Variants in PHACTR3 observed in about 807,000 individuals in gnomAD.
The protein encoded by PHACTR3 is phosphatase and actin regulator 3, also known as protein phosphatase 1, regulatory subunit 123.
A neutral mutation model predicts 66.8 loss-of-function variants in PHACTR3; 16 were observed. The observed-to-expected ratio is 0.24, with a 90% confidence interval of 0.16 to 0.36. The LOEUF (loss-of-function observed/expected upper bound fraction) is 0.36. PHACTR3 is among the 10% of genes least tolerant of loss of function. The probability of loss-of-function intolerance (pLI) is 1.00; values close to 1 mark genes in which losing one functional copy is unlikely to be tolerated. For missense variants in PHACTR3, 647 were observed against 719.9 expected (o/e 0.90, Z 1.16); for synonymous variants, 323 against 292.1 (o/e 1.11, Z -1.08).
intron 1 of PHACTR3, among the ~76,000 whole-genome samples, chr20:59,631,378 C>T (rs1209010068): frequency 6.6e-6 from 1 of 152,144 alleles, no homozygotes; most frequent in Non-Finnish European, 1.5e-5. Flanking sequence ...CTCTTCTGTC[C>T]CCTAGCCCCC....
intron 1 of PHACTR3, among the ~76,000 whole-genome samples, chr20:59,732,681 C>T (rs2038809684): frequency 6.6e-6 from 1 of 152,148 alleles, no homozygotes. Flanking sequence ...TTACCTTCCA[C>T]TGTCGGGAGT....
At chr20:59,788,364 C>G (rs1476509019) in intron 7 of PHACTR3, among the ~76,000 whole-genome samples, 1 of 152,144 alleles carries the variant, frequency 6.6e-6, no homozygotes, top group Non-Finnish European at 1.5e-5. Context: ...CTTCCCTTAC[C>G]CTCAGGCACC....
At chr20:59,631,868 A>G (rs1412504010) in intron 1 of PHACTR3, among the ~76,000 whole-genome samples, 2 of 152,140 alleles carry the variant, frequency 1.3e-5, no homozygotes, top group African/African-American at 4.8e-5. Context: ...ATGAACGGGA[A>G]TGCCTGTGGT....
At chr20:59,703,681 T>A (rs1439978382) in intron 1 of PHACTR3, among the ~76,000 whole-genome samples, 5 of 150,580 alleles carry the variant, frequency 3.3e-5, no homozygotes, top group Admixed American at 3.3e-4. Context: ...TTTTGGTGTA[T>A]TTCCTTGGGG....
At chr20:59,845,389 T>C in intron 12 of PHACTR3, 124 bp downstream of exon 12, 2 of 629,966 alleles carry the variant, frequency 3.2e-6, no homozygotes, top group South Asian at 2.1e-5. Context: ...AGAACTCTAT[T>C]GAACAAATAG....
Position 59,767,145 on chromosome 20 carries a change from A to G in PHACTR3, c.542-41A>G, listed in dbSNP as rs201861986. 63 of 1,599,568 alleles carry G rather than the reference A, an allele frequency of 3.9e-5. No individual in the cohort carries two copies. The African/African-American group carries it at 6.6e-4, about 17-fold the overall frequency. The stretch of plus-strand genomic sequence containing the variant: ...GCTCTCTTACTTCCACTGCTGTCAG[A>G]GGAAACATGTTTTTAACTCTCTGCT... On this transcript the variant is annotated intron_variant, in intron 4 of 12. Transcript: ENST00000371015.
upstream of PHACTR3, among the ~76,000 whole-genome samples, chr20:59,601,172 C>T (rs2033469220): frequency 6.6e-6 from 1 of 152,216 alleles, no homozygotes; most frequent in African/African-American, 2.4e-5. Flanking sequence ...GTCCACAGAT[C>T]TGCTTTCTGA....
intron 8 of PHACTR3, among the ~76,000 whole-genome samples, chr20:59,810,782 A>G (rs758271691): frequency 9.9e-5 from 15 of 152,154 alleles, no homozygotes; most frequent in Non-Finnish European, 1.8e-4. Context: ...GTGAAGCTCT[A>G]TGCTGATTTT....
chr20:59,765,715 A>G (rs572333921), intron 4 of PHACTR3, among the ~76,000 whole-genome samples: 9 of 152,250 alleles, frequency 5.9e-5, no homozygotes, highest in African/African-American at 2.2e-4. Context: ...GGCCTGTTGT[A>G]ACACCCCCTC....
At chr20:59,677,452 T>C (rs996669181) in intron 1 of PHACTR3, among the ~76,000 whole-genome samples, 2 of 152,156 alleles carry the variant, frequency 1.3e-5, no homozygotes, top group African/African-American at 4.8e-5. Context: ...GCAAGTGAAG[T>C]TGGATGTCTG....
intron 1 of PHACTR3, among the ~76,000 whole-genome samples, chr20:59,581,639 T>C (rs565952095): frequency 2.6e-5 from 4 of 152,260 alleles, no homozygotes; most frequent in African/African-American, 9.6e-5. Flanking sequence ...CCAAACACTA[T>C]GGGAGGCTGA....
chr20:59,697,216 C>A (rs905048214), intron 1 of PHACTR3, among the ~76,000 whole-genome samples: 1 of 152,164 alleles, frequency 6.6e-6, no homozygotes, highest in Non-Finnish European at 1.5e-5. Flanking sequence ...CAGCCCTTCC[C>A]CAGAGCCTGT....
intron 7 of PHACTR3, 84 bp from the exon 8 acceptor site, chr20:59,805,957 G>T: frequency 1.4e-6 from 2 of 1,448,000 alleles, no homozygotes; most frequent in Non-Finnish European, 1.9e-6. Flanking sequence ...TGGCAGGTGG[G>T]CGGCTCCATT....
rs142781889 is a variant in PHACTR3 at position 59,593,092 on chromosome 20, T to C, written c.109+15475T>C. ...CCACAAAGCTGTCTTCCAAAGTAGC[T>C]GCACCATTTTGCATTCTCAGCAGCA... On this transcript the variant is annotated intron_variant, in intron 1 of 12. Transcript: ENST00000359926. Among the ~76,000 whole-genome samples the C allele has an allele frequency of 2.7e-3, 408 of 152,324 alleles. 3 individuals carry two copies. Among genetic ancestry groups the C allele is most frequent in the African/African-American group, 9.3e-3 (388 of 41,570 alleles).
At chr20:59,790,629 C>T (rs1400450443) in intron 7 of PHACTR3, among the ~76,000 whole-genome samples, 1 of 152,216 alleles carries the variant, frequency 6.6e-6, no homozygotes, top group Non-Finnish European at 1.5e-5. Context: ...TGGATTAAAA[C>T]ACCCTGCTTT....
rs191255541 is a variant in PHACTR3 at position 59,773,163 on chromosome 20, G to T, written c.752-116G>T. On this transcript the variant is annotated intron_variant, in intron 5 of 12. Coordinates refer to ENST00000371015, the MANE Select transcript of PHACTR3 (RefSeq NM_080672.5). ...GTCCAGCATCTTGGCATTAGTTGGG[G>T]CCCCTCCTGGAGGTGCAGGGGAGCG... The T allele has an allele frequency of 1.0e-5, 12 of 1,204,362 alleles. No individual in the cohort carries two copies. In the Admixed American group the frequency reaches 1.6e-4, roughly 16 times the overall value. The allele number at this position is 1,204,362 out of a possible 1,614,324, so 74.6% of individuals were successfully genotyped here. A position where few individuals can be genotyped will look rare whatever the true frequency, so the allele number is the denominator to read the frequency against.
At chr20:59,754,990 G>A (rs1214371858) in intron 3 of PHACTR3, among the ~76,000 whole-genome samples, 192 bp from the exon 4 acceptor site, 6 of 152,186 alleles carry the variant, frequency 3.9e-5, no homozygotes, top group South Asian at 2.1e-4. Context: ...AGGCTAGGGT[G>A]TGCTGAGGTG....
intron 1 of PHACTR3, among the ~76,000 whole-genome samples, chr20:59,692,997 ATG>A (rs1601119153): frequency 2.0e-5 from 3 of 152,304 alleles, no homozygotes; most frequent in African/African-American, 7.2e-5. Context: ...GTCATTATAT[ATG>A]GTGCGTGGCT....
intron 1 of PHACTR3, among the ~76,000 whole-genome samples, chr20:59,729,210 C>T (rs1235134403): frequency 6.6e-6 from 1 of 152,038 alleles, no homozygotes; most frequent in Non-Finnish European, 1.5e-5. Flanking sequence ...TTGCGGGAAC[C>T]TGGGAGCGAT....
Sources: gnomAD v4.1 joint callset for allele counts (sites outside exome capture counted in the v4.1 genomes callset) on GRCh38, gnomAD v4.1.1 for gene constraint, MANE v1.5 for transcripts, NCBI Gene and HGNC (gene_info 2026-07-23, HGNC 2026-07-21) for gene names.